The following GAREM1 variants were observed in gnomAD, a reference collection of about 807,000 sequenced individuals.
GAREM1 encodes GRB2-associated and regulator of MAPK protein 1.
GAREM1 carries 26 observed loss-of-function variants against 71.3 expected under a neutral mutation model. The ratio of observed to expected loss-of-function variants is 0.36; its 90% confidence interval spans 0.27 to 0.51. GAREM1 has a LOEUF of 0.51. Ranked by LOEUF, GAREM1 falls within the 20% of genes least tolerant of loss-of-function variation. The pLI is 0.95. For missense variants in GAREM1, 1,026 were observed against 1,103.1 expected (o/e 0.93, Z 0.99); for synonymous variants, 440 against 433.2 (o/e 1.02, Z -0.20).
chr18:32,436,365 TTGTG>T (rs57312602), intron 1 of GAREM1, among the ~76,000 whole-genome samples: 1 of 151,934 alleles, frequency 6.6e-6, no homozygotes, highest in South Asian at 2.1e-4. Flanking sequence ...AGTTTACCAG[TTGTG>T]TGTGTGTGTA....
chr18:32,338,004 A>T (rs932138664), intron 2 of GAREM1, among the ~76,000 whole-genome samples: 8 of 152,204 alleles, frequency 5.3e-5, no homozygotes, highest in African/African-American at 1.7e-4. Flanking sequence ...AATGACTGTG[A>T]AAACACCCTC....
chr18:32,328,180 ATC>A (rs1451633223), intron 2 of GAREM1, among the ~76,000 whole-genome samples: 2 of 152,220 alleles, frequency 1.3e-5, no homozygotes, highest in African/African-American at 4.8e-5. Flanking sequence ...ACACTTCGAA[ATC>A]TCTGTGTTTC....
Position 32,268,018 on chromosome 18 carries a change from A to G in GAREM1, c.2484T>C (p.Asp828=), listed in dbSNP as rs1369760154. 24 of 1,614,006 alleles carry G rather than the reference A, an allele frequency of 1.5e-5. No individual in the cohort carries two copies. Among genetic ancestry groups the G allele is most frequent in the South Asian group, 2.2e-5 (2 of 91,078 alleles). ...TTTCAGTAACAAAGAATGATATGAC[A>G]TCTTCGGACAAACCAATGAACCGTA... ...KSLRFIGLSE[D]VISFFVTEKI... The change falls in exon 6 of 6, where the codon GAT becomes GAC. Residue 828 remains aspartate, a synonymous_variant. Coordinates refer to ENST00000269209, the MANE Select transcript of GAREM1 (RefSeq NM_001242409.2).
At chr18:32,315,457 TATATATAAATATATATAAAAGTAG>T (rs2047368109) in intron 2 of GAREM1, among the ~76,000 whole-genome samples, 2 of 146,810 alleles carry the variant, frequency 1.4e-5, no homozygotes, top group Non-Finnish European at 3.0e-5. Flanking sequence ...TATAAAAGTA[TATATATAAATATATATAAAAGTAG>T]ATATATATAA....
chr18:32,307,083 C>T (rs1183214895), intron 3 of GAREM1, among the ~76,000 whole-genome samples: 1 of 152,194 alleles, frequency 6.6e-6, no homozygotes, highest in Non-Finnish European at 1.5e-5. Context: ...AATTTTGCTA[C>T]AGTTTGTGAA....
chr18:32,401,962 C>T (rs2048319844), intron 1 of GAREM1, among the ~76,000 whole-genome samples: 3 of 152,110 alleles, frequency 2.0e-5, no homozygotes, highest in Non-Finnish European at 2.9e-5. Flanking sequence ...GAAACCAATG[C>T]TTATGTCTTT....
chr18:32,397,316 T>C (rs371541966), intron 1 of GAREM1, among the ~76,000 whole-genome samples: 2 of 152,144 alleles, frequency 1.3e-5, no homozygotes, highest in African/African-American at 4.8e-5. Flanking sequence ...TAACCTTAAA[T>C]GTAAATAGGC....
At chr18:32,296,401 G>C (rs893203155) in intron 3 of GAREM1, among the ~76,000 whole-genome samples, 2 of 152,138 alleles carry the variant, frequency 1.3e-5, no homozygotes, top group African/African-American at 2.4e-5. Flanking sequence ...ATTCACATTA[G>C]TACAATACTA....
chr18:32,282,733 T>G (rs142748715), intron 4 of GAREM1, among the ~76,000 whole-genome samples: 1 of 152,158 alleles, frequency 6.6e-6, no homozygotes, highest in Admixed American at 6.5e-5. Flanking sequence ...TGATAACCAT[T>G]TGTAACTCAT....
chr18:32,328,101 T>C (rs779038481), intron 2 of GAREM1, among the ~76,000 whole-genome samples: 6 of 152,340 alleles, frequency 3.9e-5, no homozygotes, highest in Non-Finnish European at 5.9e-5. Context: ...AAGATATTTA[T>C]TTATCAATGT....
intron 1 of GAREM1, among the ~76,000 whole-genome samples, chr18:32,446,031 A>G (rs977178669): frequency 6.6e-6 from 1 of 152,196 alleles, no homozygotes; most frequent in Non-Finnish European, 1.5e-5. Flanking sequence ...AGGGTGGCAC[A>G]GCCTTCAAAT....
At chr18:32,407,704 T>C (rs1013060864) in intron 1 of GAREM1, among the ~76,000 whole-genome samples, 13 of 151,882 alleles carry the variant, frequency 8.6e-5, no homozygotes, top group Admixed American at 8.5e-4. Flanking sequence ...ATTACTAGAG[T>C]GGCAGCAACC....
intron 2 of GAREM1, among the ~76,000 whole-genome samples, chr18:32,333,295 G>A (rs1483387717): frequency 6.6e-6 from 1 of 151,858 alleles, no homozygotes; most frequent in African/African-American, 2.4e-5. Context: ...CATAGTGGAT[G>A]GACCAAAAAA....
At chr18:32,364,850 T>C (rs903075730) in intron 2 of GAREM1, among the ~76,000 whole-genome samples, 2 of 151,462 alleles carry the variant, frequency 1.3e-5, no homozygotes, top group Non-Finnish European at 2.9e-5. Flanking sequence ...GAATGTACCA[T>C]GTGCGAGGCA....
intron 4 of GAREM1, among the ~76,000 whole-genome samples, chr18:32,284,505 T>A (rs2046989141): frequency 6.6e-6 from 1 of 152,224 alleles, no homozygotes; most frequent in South Asian, 2.1e-4. Flanking sequence ...TGATGCTAGT[T>A]TCCTACCTCT....
At chr18:32,429,643 A>G (rs2048604949) in intron 1 of GAREM1, among the ~76,000 whole-genome samples, 2 of 152,244 alleles carry the variant, frequency 1.3e-5, no homozygotes, top group Admixed American at 6.5e-5. Flanking sequence ...GAGAAAAGCC[A>G]GAAAGTGCTT....
chr18:32,293,418 T>C (rs1248479014), intron 3 of GAREM1, among the ~76,000 whole-genome samples: 1 of 152,180 alleles, frequency 6.6e-6, no homozygotes, highest in Non-Finnish European at 1.5e-5. Context: ...TGGGACAATT[T>C]GAGCATCACA....
rs1198941500 is a variant in GAREM1 at position 32,267,585 on chromosome 18, T to C, written c.*286A>G. On this transcript the variant is annotated 3_prime_UTR_variant, in exon 6 of 6. Coordinates refer to ENST00000269209, the MANE Select transcript of GAREM1 (RefSeq NM_001242409.2). ...TCATACCTTCTCACATAAACCTACTTGGGTAAGAATGATTTCTCTGCACAT... is the reference window on the plus strand; with the variant it reads ...TCATACCTTCTCACATAAACCTACTCGGGTAAGAATGATTTCTCTGCACAT... 1 of 274,030 alleles carries C rather than the reference T, an allele frequency of 3.6e-6. No homozygotes were observed. The highest frequency in any genetic ancestry group is 6.5e-5 in the East Asian group (1 of 15,398). 17.0% of individuals were successfully genotyped at this position (274,030 alleles called of 1,614,324 possible). A position where few individuals can be genotyped will look rare whatever the true frequency, so the allele number is the denominator to read the frequency against.
chr18:32,448,156 C>A (rs956101633), intron 1 of GAREM1, among the ~76,000 whole-genome samples: 2 of 152,200 alleles, frequency 1.3e-5, no homozygotes, highest in African/African-American at 4.8e-5. Flanking sequence ...ATTAAGGACT[C>A]AGGGTCTGAG....
Sources: gnomAD v4.1 joint callset for allele counts (sites outside exome capture counted in the v4.1 genomes callset) on GRCh38, gnomAD v4.1.1 for gene constraint, MANE v1.5 for transcripts, NCBI Gene and HGNC (gene_info 2026-07-23, HGNC 2026-07-21) for gene names.